Variants in ROBO2 observed in about 807,000 individuals in gnomAD.
ROBO2 encodes the protein roundabout guidance receptor 2.
ROBO2 carries 53 observed loss-of-function variants against 160.8 expected under a neutral mutation model. The ratio of observed to expected loss-of-function variants is 0.33; its 90% confidence interval spans 0.26 to 0.41. The LOEUF is 0.41. Among genes scored for constraint, ROBO2 ranks in the 10% least tolerant of loss-of-function variants. The probability of loss-of-function intolerance (pLI) is 1.00; values close to 1 mark genes in which losing one functional copy is unlikely to be tolerated. For missense variants in ROBO2, 1,577 were observed against 1,722.4 expected (o/e 0.92, Z 1.49); for synonymous variants, 664 against 611.7 (o/e 1.09, Z -1.26).
intron 5 of ROBO2, among the ~76,000 whole-genome samples, chr3:77,494,887 A>C (rs1275977835): frequency 6.6e-6 from 1 of 152,206 alleles, no homozygotes; most frequent in African/African-American, 2.4e-5. Flanking sequence ...TGAAAACATT[A>C]ATTCAGTTAG....
intron 2 of ROBO2, among the ~76,000 whole-genome samples, chr3:76,770,380 T>C (rs1025149865): frequency 6.6e-6 from 1 of 151,494 alleles, no homozygotes; most frequent in East Asian, 2.0e-4. Context: ...CTCATCATAG[T>C]GGTGCCCTTT....
At chr3:76,072,855 A>G (rs2068508312) in intron 2 of ROBO2, among the ~76,000 whole-genome samples, 1 of 152,230 alleles carries the variant, frequency 6.6e-6, no homozygotes. Flanking sequence ...TGTACTAAGA[A>G]GTACAAAGTT....
intron 2 of ROBO2, among the ~76,000 whole-genome samples, chr3:76,564,534 A>G (rs376541444): frequency 6.6e-6 from 1 of 152,276 alleles, no homozygotes; most frequent in East Asian, 1.9e-4. Context: ...TCACATTTTT[A>G]TCCAAATTGT....
chr3:76,473,333 C>T (rs2078766899), intron 2 of ROBO2, among the ~76,000 whole-genome samples: 1 of 152,102 alleles, frequency 6.6e-6, no homozygotes, highest in Non-Finnish European at 1.5e-5. Context: ...GCCAATAGAA[C>T]AATGTCTATT....
chr3:76,004,047 T>G (rs2065957172), intron 2 of ROBO2, among the ~76,000 whole-genome samples: 1 of 152,172 alleles, frequency 6.6e-6, no homozygotes, highest in Non-Finnish European at 1.5e-5. Context: ...TATCAATTCC[T>G]GGATGTTTAC....
intron 2 of ROBO2, among the ~76,000 whole-genome samples, chr3:77,339,408 T>G (rs1215967583): frequency 6.6e-6 from 1 of 152,086 alleles, no homozygotes; most frequent in Admixed American, 6.6e-5. Context: ...CACCATCTTC[T>G]TCATATAAGA....
chr3:76,759,669 A>G lies in ROBO2; in HGVS notation c.110-338345A>G, dbSNP rs190541855. On this transcript the variant is annotated intron_variant, in intron 2 of 26. Transcript: ENST00000487694. ...CAGAAATGTCTGTCTCCTCGGATTA[A>G]GAGGAGTTTGTATGTGTTATAAAAT... 2.7e-4 allele frequency among the ~76,000 whole-genome samples: 41 copies of G among 151,712 alleles called. 1 individual carries two copies. Among genetic ancestry groups the G allele is most frequent in the Non-Finnish European group, 5.9e-4 (40 of 67,832 alleles).
At chr3:76,729,778 C>T (rs551533254) in intron 2 of ROBO2, among the ~76,000 whole-genome samples, 1 of 152,156 alleles carries the variant, frequency 6.6e-6, no homozygotes, top group South Asian at 2.1e-4. Flanking sequence ...GCTGGGATTA[C>T]AGCCACGTGC....
At chr3:77,452,672 C>G (rs2081239050) in intron 2 of ROBO2, among the ~76,000 whole-genome samples, 1 of 152,016 alleles carries the variant, frequency 6.6e-6, no homozygotes, top group African/African-American at 2.4e-5. Context: ...TAAATAGTAG[C>G]TGTTCTTATT....
intron 2 of ROBO2, among the ~76,000 whole-genome samples, chr3:77,172,934 A>G (rs1310334759): frequency 1.3e-5 from 2 of 152,186 alleles, no homozygotes; most frequent in African/African-American, 4.8e-5. Context: ...GAACTGAAGT[A>G]TTTATCCCAT....
rs568795916 is a variant in ROBO2, at chr3:77,528,202, G to A, written c.934+5300G>A. ...AATAACTATGTTTAAATAAATTTTGGTAATTGTGTTACATGTAAATGAATA... is the reference window on the plus strand; with the variant it reads ...AATAACTATGTTTAAATAAATTTTGATAATTGTGTTACATGTAAATGAATA... On this transcript the variant is annotated intron_variant, in intron 6 of 25. Coordinates refer to ENST00000461745, the Ensembl canonical transcript of ROBO2. Among the ~76,000 whole-genome samples, 17 of 151,644 alleles carry A rather than the reference G, an allele frequency of 1.1e-4. No individual in the cohort carries two copies. The East Asian group carries it at 2.7e-3, about 24-fold the overall frequency.
intron 2 of ROBO2, among the ~76,000 whole-genome samples, chr3:76,956,166 C>T (rs1315675788): frequency 1.3e-5 from 2 of 152,144 alleles, no homozygotes; most frequent in Non-Finnish European, 2.9e-5. Flanking sequence ...GATATTAATA[C>T]ACTACTTGAG....
chr3:77,382,341 A>G (rs1338631934), intron 2 of ROBO2, among the ~76,000 whole-genome samples: 2 of 117,074 alleles, frequency 1.7e-5, no homozygotes, highest in Non-Finnish European at 3.6e-5. Context: ...TAGAAAACAC[A>G]TGTCCTTTTT....
At position 76,830,262 on chromosome 3, in the gene ROBO2, G is replaced by A. The variant is rs150638690; in HGVS notation, c.110-267752G>A. ...CAGAACCTCAGCCATTCGAACAGGC[G>A]TTTCTCCCTCATTCCACAACTGGCT... On this transcript the variant is annotated intron_variant, in intron 2 of 26. Transcript: ENST00000487694. Among the ~76,000 whole-genome samples the A allele has an allele frequency of 6.5e-4, 99 of 152,190 alleles. No homozygotes were observed. The East Asian group carries it at 0.011, about 17-fold the overall frequency.
At chr3:77,013,987 A>T (rs570564513) in intron 2 of ROBO2, among the ~76,000 whole-genome samples, 1 of 152,126 alleles carries the variant, frequency 6.6e-6, no homozygotes, top group South Asian at 2.1e-4. Context: ...CATATAGTCA[A>T]CAGACTCTAA....
At chr3:76,398,194 A>C (rs1469909066) in intron 2 of ROBO2, among the ~76,000 whole-genome samples, 1 of 152,016 alleles carries the variant, frequency 6.6e-6, no homozygotes, top group Non-Finnish European at 1.5e-5. Context: ...ATGAAATTGG[A>C]AATCATCATT....
rs752738199 is a variant in ROBO2, at chr3:76,404,790, C to G, written c.109+467188C>G. Among the ~76,000 whole-genome samples, 7 of 151,380 alleles carry G rather than the reference C, an allele frequency of 4.6e-5. No homozygotes were observed. The Admixed American group carries it at 4.6e-4, about 10-fold the overall frequency. On this transcript the variant is annotated intron_variant, in intron 2 of 26. Coordinates refer to the ROBO2 transcript ENST00000487694. ...AGAATCCAAGACAGTGCTAAGCTTTCTAATATAGAAAACGGAGAAAATTGA... is the reference window on the plus strand; with the variant it reads ...AGAATCCAAGACAGTGCTAAGCTTTGTAATATAGAAAACGGAGAAAATTGA...
chr3:76,904,008 T>C (rs935256878), intron 2 of ROBO2, among the ~76,000 whole-genome samples: 2 of 152,156 alleles, frequency 1.3e-5, no homozygotes, highest in Non-Finnish European at 2.9e-5. Flanking sequence ...ATTTCACTTC[T>C]AACAGTCTCT....
chr3:77,062,671 GTGGCCCATAAAT>G (rs1490889726), intron 1 of ROBO2, among the ~76,000 whole-genome samples: 1 of 152,188 alleles, frequency 6.6e-6, no homozygotes, highest in Non-Finnish European at 1.5e-5. Flanking sequence ...TGGGCATCCA[GTGGCCCATAAAT>G]TGGAGTTCCA....
Sources: gnomAD v4.1 joint callset for allele counts (sites outside exome capture counted in the v4.1 genomes callset) on GRCh38, gnomAD v4.1.1 for gene constraint, MANE v1.5 for transcripts, NCBI Gene and HGNC (gene_info 2026-07-23, HGNC 2026-07-21) for gene names.